The following TRIM48 variants were observed in gnomAD, a reference collection of about 807,000 sequenced individuals.
The protein encoded by TRIM48 is E3 ubiquitin-protein ligase TRIM48.
A neutral mutation model predicts 29.5 loss-of-function variants in TRIM48; 31 were observed. That is an observed-to-expected ratio of 1.05 (90% CI 0.79 to 1.42). The LOEUF (loss-of-function observed/expected upper bound fraction) is 1.42. TRIM48 is among the 40% of genes most tolerant of loss of function. The probability of loss-of-function intolerance (pLI) is 0.00; values close to 1 mark genes in which losing one functional copy is unlikely to be tolerated. For synonymous variants in TRIM48, 128 were observed against 90.6 expected, an observed-to-expected ratio of 1.41 and a Z score of -2.34; for missense variants, 344 against 265.0, an observed-to-expected ratio of 1.30 and a Z score of -2.07.
In TRIM48 at chr11:55,265,636, A is replaced by C; in HGVS notation, c.496A>C (p.Lys166Gln). The C allele has an allele frequency of 1.3e-6, 2 of 1,581,846 alleles. No homozygotes were observed. Among genetic ancestry groups the C allele is most frequent in the Non-Finnish European group, 1.7e-6 (2 of 1,165,424 alleles). ...LLKKMQSLWE[K>Q]ACENQRNLNV... ...AAAGAAAATGCAGTCTTTATGGGAA[A>C]AAGCTTGTGAAAATCAGAGAAACCT... is the stretch of plus-strand genomic sequence containing the variant. Residue 166 changes from lysine (K) to glutamine (Q), a missense_variant, in exon 3 of 6, where the codon AAA (lysine) becomes CAA (glutamine). Physicochemically the swap from Lys to Gln is moderately conservative, Grantham distance 53. Coordinates refer to ENST00000417545, the MANE Select transcript of TRIM48 (RefSeq NM_024114.5).
At chr11:55,268,476 T>C in intron 4 of TRIM48, 104 bp downstream of exon 4, 2 of 1,019,812 alleles carry the variant, frequency 2.0e-6, no homozygotes, top group South Asian at 1.8e-5. Flanking sequence ...ATTGATACTA[T>C]TTTTTTTTGC....
rs1355768969 is a variant in TRIM48, at chr11:55,271,047, G to C, written c.*612G>C. ...ACAAATAGGTTCGGTTTTATGTCTT[G>C]AATTGCATTCTAATGTTATTAAAAC... On this transcript the variant is annotated 3_prime_UTR_variant, in exon 6 of 6. Transcript: ENST00000417545. 63 of 1,318,602 alleles carry C rather than the reference G, an allele frequency of 4.8e-5. 4 individuals carry two copies. The highest frequency in any genetic ancestry group is 5.9e-5 in the Non-Finnish European group (58 of 981,034). The allele number at this position is 1,318,602 out of a possible 1,614,324, so 81.7% of individuals were successfully genotyped here.
Position 55,269,312 on chromosome 11 carries a change from C to A in TRIM48, c.649C>A (p.Leu217Met), listed in dbSNP as rs768373189. 1.9e-6 allele frequency: 3 copies of A among 1,575,926 alleles called. No individual in the cohort carries two copies. Among genetic ancestry groups the A allele is most frequent in the African/African-American group, 1.4e-5 (1 of 73,724 alleles). Reference protein sequence around the residue: ...LALRAGPITGLRDRLNQF With the variant: ...LALRAGPITGMRDRLNQF ...GCTCAGGGCAGGGCCCATCACTGGA[C>A]TGAGGGACAGGCTCAACCAATTCTG... Residue 217 changes from leucine to methionine, a missense_variant, in exon 5 of 6, where the codon CTG (leucine) becomes ATG (methionine). Coordinates refer to ENST00000417545, the MANE Select transcript of TRIM48 (RefSeq NM_024114.5).
chr11:55,267,008 T>C (rs1321828574), intron 3 of TRIM48, among the ~76,000 whole-genome samples: 1 of 147,924 alleles, frequency 6.8e-6, no homozygotes, highest in Non-Finnish European at 1.5e-5. Flanking sequence ...CTAAGGTCAT[T>C]TCATATATAA....
At chr11:55,264,130 C>T (rs201305530) in intron 1 of TRIM48, among the ~76,000 whole-genome samples, 1 of 124,506 alleles carries the variant, frequency 8.0e-6, no homozygotes, top group African/African-American at 2.9e-5. Flanking sequence ...TATAATTACA[C>T]CTCTTTAAGT....
At position 55,271,111 on chromosome 11, in the gene TRIM48, A is replaced by G; in HGVS notation, c.*676A>G. On this transcript the variant is annotated 3_prime_UTR_variant, in exon 6 of 6. Transcript: ENST00000417545. ...TACTATTAAATGTAGTAAAAACACT[A>G]AAAGTATATATATTGGTTCTTTATT... 5.1e-6 allele frequency: 4 copies of G among 791,530 alleles called. No individual in the cohort carries two copies. The highest frequency in any genetic ancestry group is 1.8e-6 in the Non-Finnish European group (1 of 553,738). The allele number at this position is 791,530 out of a possible 1,614,324, so 49.0% of individuals were successfully genotyped here.
At chr11:55,269,154 A>T in intron 4 of TRIM48, 88 bp from the exon 5 acceptor site, 4 of 1,475,628 alleles carry the variant, frequency 2.7e-6, no homozygotes, top group Non-Finnish European at 3.6e-6. Flanking sequence ...GGTTCAAAGG[A>T]TTCTCATGAA....
chr11:55,270,275 C>A (rs1394978804), intron 5 of TRIM48, among the ~76,000 whole-genome samples, 162 bp from the exon 6 acceptor site: 2 of 147,854 alleles, frequency 1.4e-5, no homozygotes, highest in Non-Finnish European at 3.0e-5. Context: ...TAATATTAAT[C>A]ATCTCTATAC....
rs986234675 is a variant in TRIM48 at position 55,267,504 on chromosome 11, A to C, written c.556-846A>C. On this transcript the variant is annotated intron_variant, in intron 3 of 5. Coordinates refer to ENST00000417545, the MANE Select transcript of TRIM48 (RefSeq NM_024114.5). Reference sequence around the variant, plus strand: ...GAAAAACATAATTTGGAGATGCTGAAAAAGAAGGGAAAAGATATTTTTCAT... The same window carrying C: ...GAAAAACATAATTTGGAGATGCTGACAAAGAAGGGAAAAGATATTTTTCAT... 80 of 1,579,366 alleles carry C rather than the reference A, an allele frequency of 5.1e-5. 4 individuals carry two copies. Among genetic ancestry groups the C allele is most frequent in the Non-Finnish European group, 6.7e-5 (78 of 1,163,544 alleles).
At chr11:55,270,130 C>T (rs1308934252) in intron 5 of TRIM48, among the ~76,000 whole-genome samples, 1 of 147,974 alleles carries the variant, frequency 6.8e-6, no homozygotes, top group Admixed American at 6.8e-5. Context: ...AACAGCATAG[C>T]ATTTAGGGCG....
In TRIM48 at chr11:55,270,972, G is replaced by T; in HGVS notation, c.*537G>T. On this transcript the variant is annotated 3_prime_UTR_variant, in exon 6 of 6. Coordinates refer to ENST00000417545, the MANE Select transcript of TRIM48 (RefSeq NM_024114.5). ...ATCAGAAATGTGTTCATCTGCTGTG[G>T]GAACCCCTTTATCCCAGAAAGCCCT... 6.5e-7 allele frequency: 1 copy of T among 1,533,602 alleles called. No individual in the cohort carries two copies. Among genetic ancestry groups the T allele is most frequent in the Non-Finnish European group, 8.8e-7 (1 of 1,135,352 alleles). The allele number at this position is 1,533,602 out of a possible 1,614,324, so 95.0% of individuals were successfully genotyped here.
chr11:55,262,184 T>C lies in TRIM48; in HGVS notation c.-84T>C. The C allele has an allele frequency of 1.9e-6, 2 of 1,059,654 alleles. No homozygotes were observed. The highest frequency in any genetic ancestry group is 2.9e-6 in the Non-Finnish European group (2 of 700,464). 65.6% of individuals were successfully genotyped at this position (1,059,654 alleles called of 1,614,324 possible). The stretch of plus-strand genomic sequence containing the variant: ...TTCTCCAAAGGAGAAGGAGTGCACT[T>C]AGAGGGAGCTGTGTTTTGGTGACCT... On this transcript the variant is annotated 5_prime_UTR_variant, in exon 1 of 6. Coordinates refer to ENST00000417545, the MANE Select transcript of TRIM48 (RefSeq NM_024114.5).
At chr11:55,263,250 G>A (rs115663522) in intron 1 of TRIM48, among the ~76,000 whole-genome samples, 1,684 of 152,148 alleles carry the variant, frequency 0.011, 35 homozygotes, top group African/African-American at 0.038. Flanking sequence ...TATAGAACAC[G>A]CTGTACAGTT....
chr11:55,269,873 C>T (rs1857453665), intron 5 of TRIM48, among the ~76,000 whole-genome samples: 1 of 147,540 alleles, frequency 6.8e-6, no homozygotes, highest in Admixed American at 6.9e-5. Flanking sequence ...AGTTTAATTG[C>T]AATATGAAAA....
chr11:55,265,417 G>A lies in TRIM48; in HGVS notation c.459+103G>A, dbSNP rs1284226930. On this transcript the variant is annotated intron_variant, in intron 2 of 5. Transcript: ENST00000417545. ...TAAAGCCAACTCTGAGTCCCTTTAA[G>A]CAACTCTCTTTTGGGCTTTCTTAGC... 3.3e-6 allele frequency: 5 copies of A among 1,533,434 alleles called. 1 individual carries two copies. Among genetic ancestry groups the A allele is most frequent in the Admixed American group, 1.9e-5 (1 of 51,430 alleles). 95.0% of individuals were successfully genotyped at this position (1,533,434 alleles called of 1,614,324 possible).
chr11:55,264,829 T>C, intron 1 of TRIM48, 71 bp from the exon 2 acceptor site: 1 of 1,558,720 alleles, frequency 6.4e-7, no homozygotes, highest in South Asian at 1.2e-5. Flanking sequence ...TAGCTATCAC[T>C]TATCTCCACA....
chr11:55,270,518 ACCGTCAAAAT>A lies in TRIM48; in HGVS notation c.*87_*96del, dbSNP rs1857466919. ...TTGAGAAGCATTTGTATTGGATGTG[ACCGTCAAAAT>A]CCGCCCCATATCACTGCAACACCTA... is the stretch of plus-strand genomic sequence containing the variant. On this transcript the variant is annotated 3_prime_UTR_variant, in exon 6 of 6. Transcript: ENST00000417545. 7.6e-6 allele frequency: 12 copies of A among 1,579,938 alleles called. 1 individual carries two copies. The African/African-American group carries it at 8.2e-5, about 11-fold the overall frequency.
intron 4 of TRIM48, among the ~76,000 whole-genome samples, chr11:55,268,959 G>T (rs550111933): frequency 1.4e-5 from 2 of 147,730 alleles, no homozygotes; most frequent in Non-Finnish European, 3.0e-5. Flanking sequence ...GTGGAACTCA[G>T]AATTTCGTTT....
At position 55,268,473 on chromosome 11, in the gene TRIM48, C is replaced by T. The variant is rs533580027; in HGVS notation, c.578+101C>T. ...GGCATAAACGATTAAGATATTGATA[C>T]TATTTTTTTTTGCATCTTCTTTCAT... On this transcript the variant is annotated intron_variant, in intron 4 of 5. Transcript: ENST00000417545. The T allele has an allele frequency of 3.3e-6, 4 of 1,223,344 alleles. 1 individual carries two copies. The highest frequency in any genetic ancestry group is 3.0e-5 in the South Asian group (2 of 65,574). 75.8% of individuals were successfully genotyped at this position (1,223,344 alleles called of 1,614,324 possible).
Sources: allele counts gnomAD v4.1 joint callset (sites outside exome capture counted in the v4.1 genomes callset), GRCh38; gene constraint gnomAD v4.1.1; transcripts MANE v1.5; gene names NCBI Gene and HGNC (gene_info 2026-07-23, HGNC 2026-07-21).